B3GNT6: variants seen among roughly 807,000 people sequenced by gnomAD.
B3GNT6 encodes the protein acetylgalactosaminyl-O-glycosyl-glycoprotein beta-1,3-N-acetylglucosaminyltransferase.
For missense variants in B3GNT6, 624 were observed against 568.6 expected (o/e 1.10, Z -0.99); for synonymous variants, 300 against 270.0 (o/e 1.11, Z -1.09).
In B3GNT6 at chr11:77,040,245, G is replaced by A; in HGVS notation, c.694G>A (p.Val232Ile). The change falls in exon 2 of 2, where the codon GTA becomes ATA. Residue 232 changes from valine (V) to isoleucine (I), a missense_variant. Coordinates refer to ENST00000622824, the MANE Select transcript of B3GNT6 (RefSeq NM_138706.5). Reference protein sequence around the residue: ...DDDVFVHTANVVRFLQAQPPG... With the variant: ...DDDVFVHTANIVRFLQAQPPG... ...CGACGTGTTCGTGCACACCGCCAAC[G>A]TAGTCCGCTTCCTGCAGGCGCAGCC... 4 of 1,598,806 alleles carry A rather than the reference G, an allele frequency of 2.5e-6. No individual in the cohort carries two copies. The highest frequency in any genetic ancestry group is 3.4e-6 in the Non-Finnish European group (4 of 1,179,418).
At chr11:77,038,931 C>G (rs1453710391) in intron 1 of B3GNT6, among the ~76,000 whole-genome samples, 1 of 152,188 alleles carries the variant, frequency 6.6e-6, no homozygotes, top group East Asian at 1.9e-4. Context: ...CCCTTCGTCA[C>G]AGATGAGAAC....
chr11:77,041,971 AAAGG>A (rs1949690478), exon 2 of B3GNT6: 1 of 152,112 alleles, frequency 6.6e-6, no homozygotes, highest in African/African-American at 2.4e-5. Flanking sequence ...AAAAAAAAAA[AAAGG>A]AGAGTTTGCA....
In B3GNT6 at chr11:77,039,758, G is replaced by A. The variant is rs1177373368; in HGVS notation, c.207G>A (p.Pro69=). Residue 69 remains proline (P), a synonymous_variant, in exon 2 of 2, where the codon CCG becomes CCA. Coordinates refer to ENST00000622824, the MANE Select transcript of B3GNT6 (RefSeq NM_138706.5). ...EPPSELVPGP[P]CVANASANAT... ...CCTCGGAGCTCGTCCCCGGGCCCCC[G>A]TGCGTGGCGAACGCCTCGGCGAACG... is the stretch of plus-strand genomic sequence containing the variant. 1.3e-6 allele frequency: 2 copies of A among 1,593,950 alleles called. No individual in the cohort carries two copies. Among genetic ancestry groups the A allele is most frequent in the South Asian group, 1.1e-5 (1 of 89,908 alleles).
chr11:77,039,968 G>T lies in B3GNT6; in HGVS notation c.417G>T (p.Thr139=), dbSNP rs782015746. ...HYERRELIRR[T]WGQERSYGGR... ...AGCGACGCGAGCTCATCCGGCGCAC[G>T]TGGGGGCAAGAGCGCAGCTACGGCG... is the stretch of plus-strand genomic sequence containing the variant. The change falls in exon 2 of 2, where the codon ACG becomes ACT. Residue 139 remains threonine, a synonymous_variant. Coordinates refer to ENST00000622824, the MANE Select transcript of B3GNT6 (RefSeq NM_138706.5). 3.4e-5 allele frequency: 54 copies of T among 1,590,224 alleles called. No homozygotes were observed. Among genetic ancestry groups the T allele is most frequent in the Non-Finnish European group, 4.0e-5 (47 of 1,176,054 alleles).
chr11:77,040,807 C>G lies in B3GNT6; in HGVS notation c.*101C>G. The G allele has an allele frequency of 7.1e-7, 1 of 1,409,472 alleles. No homozygotes were observed. The highest frequency in any genetic ancestry group is 9.2e-7 in the Non-Finnish European group (1 of 1,084,582). The allele number at this position is 1,409,472 out of a possible 1,614,324, so 87.3% of individuals were successfully genotyped here. A position where few individuals can be genotyped will look rare whatever the true frequency, so the allele number is the denominator to read the frequency against. On this transcript the variant is annotated 3_prime_UTR_variant, in exon 2 of 2. Transcript: ENST00000622824. ...CTTACGTCCTGCCCAGCTCTGTGCA[C>G]CTGAACCCCAGCTGCGCACTGAAAT...
At chr11:77,035,916 TA>T (rs1332551222) in intron 1 of B3GNT6, among the ~76,000 whole-genome samples, 1 of 152,260 alleles carries the variant, frequency 6.6e-6, no homozygotes, top group Non-Finnish European at 1.5e-5. Flanking sequence ...TTAAGAAGAT[TA>T]TTTTTCTTTC....
Position 77,038,714 on chromosome 11 carries a change from C to T in B3GNT6, c.1-838C>T, listed in dbSNP as rs189835077. Among the ~76,000 whole-genome samples, 194 of 152,182 alleles carry T rather than the reference C, an allele frequency of 1.3e-3. 1 individual carries two copies. The highest frequency in any genetic ancestry group is 4.3e-3 in the African/African-American group (180 of 41,522). On this transcript the variant is annotated intron_variant, in intron 1 of 1. Coordinates refer to ENST00000622824, the MANE Select transcript of B3GNT6 (RefSeq NM_138706.5). ...CTTCATAAAAGCCAGGCCTGAGGTG[C>T]ACCTGGGCAGGCTACATGCAGGAGA...
chr11:77,036,936 C>T (rs1949636938), intron 1 of B3GNT6, among the ~76,000 whole-genome samples: 1 of 152,198 alleles, frequency 6.6e-6, no homozygotes. Context: ...TTCATTCAAG[C>T]TTCCCCAAGA....
chr11:77,039,102 G>C (rs1272797434), intron 1 of B3GNT6, among the ~76,000 whole-genome samples: 1 of 152,228 alleles, frequency 6.6e-6, no homozygotes, highest in African/African-American at 2.4e-5. Context: ...GAGCTGGACA[G>C]AGGCGGAGAG....
chr11:77,040,449 C>G lies in B3GNT6; in HGVS notation c.898C>G (p.Arg300Gly). 6.5e-7 allele frequency: 1 copy of G among 1,534,946 alleles called. No individual in the cohort carries two copies. Among genetic ancestry groups the G allele is most frequent in the Non-Finnish European group, 8.7e-7 (1 of 1,145,838 alleles). The change falls in exon 2 of 2, where the codon CGC becomes GGC. Residue 300 changes from arginine to glycine, a missense_variant. Arg to Gly is a moderately radical substitution (Grantham distance 125). Coordinates refer to ENST00000622824, the MANE Select transcript of B3GNT6 (RefSeq NM_138706.5). ...PTARALRAAARHTPLFPIDDA... is the reference protein window; with the variant it reads ...PTARALRAAAGHTPLFPIDDA... ...GGCCCGGGCCCTGCGCGCGGCCGCC[C>G]GCCACACCCCGCTCTTCCCCATCGA...
rs1949664462 is a variant in B3GNT6 at position 77,039,530 on chromosome 11, TCTGACTCGGTTTCCCC to T, written c.1-20_1-5del. ...TGTCAAAGACGACTTCCGGCTCACC[TCTGACTCGGTTTCCCC>T]CACAGATGGCTTTTCCCTGCCGCAG... On this transcript the variant is annotated splice_region_variant and splice_polypyrimidine_tract_variant and intron_variant, in intron 1 of 1. Transcript: ENST00000622824. The T allele has an allele frequency of 6.4e-7, 1 of 1,550,852 alleles. No homozygotes were observed. Among genetic ancestry groups the T allele is most frequent in the Admixed American group, 1.9e-5 (1 of 53,120 alleles).
chr11:77,036,314 T>C (rs1555026935), intron 1 of B3GNT6, among the ~76,000 whole-genome samples: 1 of 152,198 alleles, frequency 6.6e-6, no homozygotes, highest in African/African-American at 2.4e-5. Flanking sequence ...TACTATATAA[T>C]ACTCTAGTAT....
chr11:77,040,437 C>T lies in B3GNT6; in HGVS notation c.886C>T (p.Arg296Cys), dbSNP rs933153099. 1 of 1,530,910 alleles carries T rather than the reference C, an allele frequency of 6.5e-7. No individual in the cohort carries two copies. Among genetic ancestry groups the T allele is most frequent in the Non-Finnish European group, 8.7e-7 (1 of 1,144,412 alleles). 94.8% of individuals were successfully genotyped at this position (1,530,910 alleles called of 1,614,324 possible). The part of the protein sequence containing the change: ...LLSGPTARAL[R>C]AAARHTPLFP... The stretch of plus-strand genomic sequence containing the variant: ...GTCCGGCCCCACGGCCCGGGCCCTG[C>T]GCGCGGCCGCCCGCCACACCCCGCT... Residue 296 changes from arginine (R) to cysteine (C), a missense_variant, in exon 2 of 2, where the codon CGC becomes TGC. By Grantham distance (180) the Arg-to-Cys change is radical. Transcript: ENST00000622824.
chr11:77,035,760 G>C (rs1555026856), intron 1 of B3GNT6, among the ~76,000 whole-genome samples: 1 of 152,256 alleles, frequency 6.6e-6, no homozygotes, highest in African/African-American at 2.4e-5. Context: ...TCCAAGAACA[G>C]AGGTGAGCGA....
At chr11:77,037,515 G>A (rs1342363874) in intron 1 of B3GNT6, among the ~76,000 whole-genome samples, 1 of 152,122 alleles carries the variant, frequency 6.6e-6, no homozygotes, top group Admixed American at 6.5e-5. Flanking sequence ...ATGGACATGT[G>A]GCTCTGGAGC....
chr11:77,039,528 C>T, intron 1 of B3GNT6, 24 bp from the exon 2 acceptor site: 1 of 1,549,522 alleles, frequency 6.5e-7, no homozygotes, highest in Non-Finnish European at 8.7e-7. Flanking sequence ...TTCCGGCTCA[C>T]CTCTGACTCG....
intron 1 of B3GNT6, chr11:77,037,203 G>A (rs1267555560): frequency 6.6e-6 from 1 of 152,230 alleles, no homozygotes; most frequent in African/African-American, 2.4e-5. Flanking sequence ...TCGGCCGAGA[G>A]CAAGATGGTG....
intron 1 of B3GNT6, among the ~76,000 whole-genome samples, chr11:77,036,629 C>T (rs1445921600): frequency 2.0e-5 from 3 of 152,192 alleles, no homozygotes; most frequent in Admixed American, 6.5e-5. Flanking sequence ...ATTCTTTACA[C>T]ACATTATCAT....
chr11:77,040,150 A>T lies in B3GNT6; in HGVS notation c.599A>T (p.Lys200Met). The change falls in exon 2 of 2, where the codon AAG becomes ATG. Residue 200 changes from lysine to methionine, a missense_variant. Coordinates refer to ENST00000622824, the MANE Select transcript of B3GNT6 (RefSeq NM_138706.5). ...GACACCTTCCTCAACCTCACGCTCA[A>T]GCACCTGCACTTGCTCGACTGGCTG... ...FADTFLNLTL[K>M]HLHLLDWLAA... The T allele has an allele frequency of 6.3e-7, 1 of 1,599,308 alleles. No individual in the cohort carries two copies. Among genetic ancestry groups the T allele is most frequent in the Non-Finnish European group, 8.5e-7 (1 of 1,179,432 alleles).
Sources: gnomAD v4.1 joint callset for allele counts (sites outside exome capture counted in the v4.1 genomes callset) on GRCh38, gnomAD v4.1.1 for gene constraint, MANE v1.5 for transcripts, NCBI Gene and HGNC (gene_info 2026-07-23, HGNC 2026-07-21) for gene names.